CAST: variants seen among roughly 807,000 people sequenced by gnomAD.
The protein encoded by CAST is MIR583 host.
A neutral mutation model predicts 119.6 loss-of-function variants in CAST; 76 were observed. The observed-to-expected ratio is 0.64, with a 90% CI of 0.53 to 0.77. The LOEUF (loss-of-function observed/expected upper bound fraction) is 0.77, where lower values mean the gene tolerates loss of function less well. Among genes scored for constraint, CAST ranks in the 30% least tolerant of loss-of-function variants. CAST has a pLI of 0.00. For synonymous variants in CAST, 319 were observed against 331.6 expected, an observed-to-expected ratio of 0.96 and a Z score of 0.41; for missense variants, 953 against 946.5, an observed-to-expected ratio of 1.01 and a Z score of -0.09.
chr5:96,436,156 G>A, the CAST span, among the ~76,000 whole-genome samples: 162 of 152,318 alleles, frequency 1.1e-3, 3 homozygotes, highest in Admixed American at 7.2e-4. Context: ...ACTCAAAGGT[G>A]TAACAAATTA....
chr5:96,194,256 T>C, the CAST span, among the ~76,000 whole-genome samples: 134 of 152,304 alleles, frequency 8.8e-4, no homozygotes, highest in Non-Finnish European at 1.4e-3. Context: ...TTTCCAAACC[T>C]GCATAATCAT....
chr5:96,319,020 C>T, the CAST span: 1 of 152,184 alleles, frequency 6.6e-6, no homozygotes, highest in Non-Finnish European at 1.5e-5. Context: ...ATTTATTTGG[C>T]TCATGGTTCT....
the CAST span, among the ~76,000 whole-genome samples, chr5:95,997,376 A>G: frequency 1.3e-5 from 2 of 152,100 alleles, no homozygotes; most frequent in African/African-American, 4.8e-5. Flanking sequence ...TTTGAGAAAA[A>G]CAGCATTTGT....
the CAST span, among the ~76,000 whole-genome samples, chr5:96,386,628 C>A: frequency 6.6e-6 from 1 of 152,206 alleles, no homozygotes; most frequent in Non-Finnish European, 1.5e-5. Flanking sequence ...AACAATCTCA[C>A]AAATAATGAA....
At chr5:96,251,501 A>G in the CAST span, among the ~76,000 whole-genome samples, 1 of 152,178 alleles carries the variant, frequency 6.6e-6, no homozygotes, top group Non-Finnish European at 1.5e-5. Flanking sequence ...TCCCTCCCCT[A>G]CATAGCTATT....
intron 1 of CAST, among the ~76,000 whole-genome samples, chr5:96,534,358 C>G (rs1215282985): frequency 6.6e-6 from 1 of 151,532 alleles, no homozygotes; most frequent in African/African-American, 2.4e-5. Context: ...CACAGGTAAC[C>G]TTTAAGAAAC....
chr5:96,011,436 T>A, the CAST span, among the ~76,000 whole-genome samples: 11 of 152,034 alleles, frequency 7.2e-5, no homozygotes, highest in African/African-American at 2.7e-4. Context: ...CTGGGCAAAG[T>A]GAGGATGAAG....
chr5:96,706,766 T>C (rs1755061980), intron 3 of CAST, among the ~76,000 whole-genome samples: 1 of 152,210 alleles, frequency 6.6e-6, no homozygotes, highest in Non-Finnish European at 1.5e-5. Context: ...CCTTTGCATG[T>C]GCTGTTTTGT....
chr5:96,606,158 C>T (rs186923365), intron 1 of CAST, among the ~76,000 whole-genome samples: 1 of 151,620 alleles, frequency 6.6e-6, no homozygotes, highest in Non-Finnish European at 1.5e-5. Flanking sequence ...ATCACCTGAA[C>T]AACAACAACA....
At chr5:96,020,055 T>A in the CAST span, among the ~76,000 whole-genome samples, 1,071 of 152,274 alleles carry the variant, frequency 7.0e-3, 11 homozygotes, top group African/African-American at 0.024. Flanking sequence ...TTTCAATAAC[T>A]CAGCAAGTAA....
At chr5:96,111,407 A>G in the CAST span, among the ~76,000 whole-genome samples, 3 of 152,170 alleles carry the variant, frequency 2.0e-5, no homozygotes, top group Non-Finnish European at 4.4e-5. Context: ...TCTATTATGT[A>G]GGCATGATTG....
At chr5:96,576,830 G>A (rs1035333642) in intron 1 of CAST, among the ~76,000 whole-genome samples, 15 of 151,848 alleles carry the variant, frequency 9.9e-5, no homozygotes, top group Admixed American at 6.6e-5. Flanking sequence ...CCTCTTTCCA[G>A]TTTTATTTTT....
intron 1 of CAST, among the ~76,000 whole-genome samples, chr5:96,607,180 C>T (rs1052158570): frequency 1.3e-5 from 2 of 151,986 alleles, no homozygotes; most frequent in Non-Finnish European, 2.9e-5. Context: ...CCCAGCTACT[C>T]GAGAGGCTGA....
the CAST span, among the ~76,000 whole-genome samples, chr5:96,482,372 A>G: frequency 2.4e-4 from 37 of 151,652 alleles, no homozygotes; most frequent in African/African-American, 8.5e-4. Flanking sequence ...TAATTATGTG[A>G]AGCAATGAAT....
chr5:96,043,526 T>G, the CAST span, among the ~76,000 whole-genome samples: 1 of 152,192 alleles, frequency 6.6e-6, no homozygotes. Context: ...CCTGGCTTAG[T>G]GGTATCATGA....
the CAST span, among the ~76,000 whole-genome samples, chr5:96,003,888 CAT>C: frequency 6.6e-6 from 1 of 152,118 alleles, no homozygotes; most frequent in Non-Finnish European, 1.5e-5. Context: ...TTCCAAAACA[CAT>C]ATGAAGGAGA....
At chr5:96,181,624 A>G in the CAST span, among the ~76,000 whole-genome samples, 1 of 152,224 alleles carries the variant, frequency 6.6e-6, no homozygotes. Context: ...GGGTAGAAAC[A>G]GATTTAGGAA....
chr5:96,021,181 A>G, the CAST span, among the ~76,000 whole-genome samples: 2 of 152,204 alleles, frequency 1.3e-5, no homozygotes, highest in African/African-American at 4.8e-5. Flanking sequence ...GTTAAGGATC[A>G]TTAGAAACTC....
chr5:96,238,351 TCATCTTCTTCTTCTC>T, the CAST span, among the ~76,000 whole-genome samples: 32 of 82,604 alleles, frequency 3.9e-4, no homozygotes, highest in African/African-American at 1.1e-3. Context: ...TTCTTCATCT[TCATCTTCTTCTTCTC>T]CTTCTTCTCC....
Sources: allele counts gnomAD v4.1 joint callset (sites outside exome capture counted in the v4.1 genomes callset), GRCh38; gene constraint gnomAD v4.1.1; transcripts MANE v1.5; gene names NCBI Gene and HGNC (gene_info 2026-07-23, HGNC 2026-07-21).